The following SH2D4A variants were observed in gnomAD, a reference collection of about 807,000 sequenced individuals.
SH2D4A encodes the protein SH2 domain-containing protein 4A.
Under a neutral mutation model 64.7 loss-of-function variants are expected in SH2D4A, and 70 were observed. That is an observed-to-expected ratio of 1.08 (90% CI 0.89 to 1.32). The LOEUF (loss-of-function observed/expected upper bound fraction) is 1.32, where lower values mean the gene tolerates loss of function less well. Among genes scored for constraint, SH2D4A ranks in the 40% most tolerant of loss-of-function variants. The pLI is 0.00. For missense variants in SH2D4A, 706 were observed against 540.1 expected, an observed-to-expected ratio of 1.31 and a Z score of -3.04; for synonymous variants, 268 against 200.7, an observed-to-expected ratio of 1.34 and a Z score of -2.83.
Position 19,357,259 on chromosome 8 carries a change from T to A in SH2D4A, c.570T>A (p.Arg190=). 6.2e-7 allele frequency: 1 copy of A among 1,613,822 alleles called. No homozygotes were observed. The highest frequency in any genetic ancestry group is 8.5e-7 in the Non-Finnish European group (1 of 1,179,684). The change falls in exon 5 of 10, where the codon CGT becomes CGA. Residue 190 remains arginine, a synonymous_variant. Coordinates refer to ENST00000265807, the MANE Select transcript of SH2D4A (RefSeq NM_022071.4). ...IQQMLADSIN[R]MKAYAFHQKK... ...AAATGTTGGCAGATTCAATCAATCG[T>A]ATGAAGGCATATGCATTTCACCAGG... is the stretch of plus-strand genomic sequence containing the variant.
chr8:19,393,075 A>G (rs1428531956), intron 8 of SH2D4A, among the ~76,000 whole-genome samples: 4 of 152,170 alleles, frequency 2.6e-5, no homozygotes, highest in Non-Finnish European at 5.9e-5. Context: ...TTGACATTTA[A>G]GCTCTCATGT....
intron 8 of SH2D4A, among the ~76,000 whole-genome samples, chr8:19,385,079 G>A (rs1381556287): frequency 2.0e-5 from 3 of 152,138 alleles, no homozygotes; most frequent in African/African-American, 7.2e-5. Context: ...GCTGTCTTTT[G>A]CTGTCATGGC....
intron 7 of SH2D4A, among the ~76,000 whole-genome samples, 173 bp from the exon 8 acceptor site, chr8:19,373,357 T>TA (rs2053136779): frequency 6.6e-6 from 1 of 150,982 alleles, no homozygotes; most frequent in Admixed American, 6.6e-5. Flanking sequence ...TATATATATA[T>TA]ATATGTATAT....
intron 2 of SH2D4A, among the ~76,000 whole-genome samples, chr8:19,327,636 A>C (rs574161124): frequency 6.6e-6 from 1 of 152,138 alleles, no homozygotes; most frequent in Non-Finnish European, 1.5e-5. Flanking sequence ...CACCCCAGGT[A>C]TACTCCCTGC....
At chr8:19,379,698 C>T (rs10102993) in intron 8 of SH2D4A, among the ~76,000 whole-genome samples, 1,859 of 152,224 alleles carry the variant, frequency 0.012, 29 homozygotes, top group African/African-American at 0.043. Context: ...AGAATTTCAG[C>T]TTCTCCACAT....
rs1464452232 is a variant in SH2D4A at position 19,394,861 on chromosome 8, A to C, written c.*219A>C. On this transcript the variant is annotated 3_prime_UTR_variant, in exon 10 of 10. Coordinates refer to ENST00000265807, the MANE Select transcript of SH2D4A (RefSeq NM_022071.4). Reference sequence around the variant, plus strand: ...ATGACCTCTGCTCAAAAGGGAGAAGAGTCTCAATTTCAGCAAGTACCTGTC... The same window carrying C: ...ATGACCTCTGCTCAAAAGGGAGAAGCGTCTCAATTTCAGCAAGTACCTGTC... 1 of 383,372 alleles carries C rather than the reference A, an allele frequency of 2.6e-6. No individual in the cohort carries two copies. The highest frequency in any genetic ancestry group is 4.6e-6 in the Non-Finnish European group (1 of 215,298). The allele number at this position is 383,372 out of a possible 1,614,324, so 23.7% of individuals were successfully genotyped here. A position where few individuals can be genotyped will look rare whatever the true frequency, so the allele number is the denominator to read the frequency against.
chr8:19,332,905 C>G (rs770166115), intron 2 of SH2D4A, 50 bp from the exon 3 acceptor site: 2 of 1,576,516 alleles, frequency 1.3e-6, no homozygotes, highest in Non-Finnish European at 1.7e-6. Context: ...TAATCTGTGA[C>G]TAAAGATATT....
intron 8 of SH2D4A, among the ~76,000 whole-genome samples, chr8:19,386,675 A>T (rs1230293557): frequency 6.6e-6 from 1 of 152,056 alleles, no homozygotes; most frequent in Non-Finnish European, 1.5e-5. Context: ...AAGAAGAGAG[A>T]GTCTGCTTTG....
At chr8:19,392,223 GAC>G (rs1222491116) in intron 8 of SH2D4A, among the ~76,000 whole-genome samples, 1 of 152,162 alleles carries the variant, frequency 6.6e-6, no homozygotes, top group African/African-American at 2.4e-5. Context: ...TGTATATAAA[GAC>G]ACACATATAG....
rs1407033619 is a variant in SH2D4A at position 19,394,553 on chromosome 8, G to A, written c.1276G>A (p.Glu426Lys). 1.9e-6 allele frequency: 3 copies of A among 1,604,004 alleles called. No individual in the cohort carries two copies. The highest frequency in any genetic ancestry group is 2.7e-5 in the African/African-American group (2 of 74,668). Residue 426 changes from glutamate to lysine, a missense_variant, in exon 10 of 10, where the codon GAA (glutamate) becomes AAA (lysine). Transcript: ENST00000265807. ...LADLVEYHKE[E>K]PITSLGKELL... ...CCCCGTGCCTTCTGATTGACAGGAG[G>A]AACCCATCACTTCCCTGGGGAAGGA...
intron 4 of SH2D4A, among the ~76,000 whole-genome samples, chr8:19,341,109 G>C (rs192752879): frequency 6.6e-6 from 1 of 152,096 alleles, no homozygotes; most frequent in African/African-American, 2.4e-5. Flanking sequence ...CACTCTCATC[G>C]TAACTATGAC....
chr8:19,324,982 C>T (rs1197623592), intron 2 of SH2D4A, among the ~76,000 whole-genome samples: 1 of 152,160 alleles, frequency 6.6e-6, no homozygotes, highest in East Asian at 1.9e-4. Flanking sequence ...CCAGACCTCT[C>T]ACCCGAGTGT....
At position 19,364,269 on chromosome 8, in the gene SH2D4A, C is replaced by CA. The variant is rs1471400488; in HGVS notation, c.909dup (p.Pro304ThrfsTer3). 1.2e-6 allele frequency: 2 copies of CA among 1,613,964 alleles called. No individual in the cohort carries two copies. Among genetic ancestry groups the CA allele is most frequent in the Non-Finnish European group, 1.7e-6 (2 of 1,179,978 alleles). On this transcript the variant is annotated frameshift_variant, in exon 7 of 10. Coordinates refer to ENST00000265807, the MANE Select transcript of SH2D4A (RefSeq NM_022071.4). LOFTEE classifies it high-confidence loss of function. ...GTTCCTAAACTCAGGGGCATATCCT[C>CA]AAAAACCTCTTAGGTAAGAAGCCAC...
At chr8:19,377,726 CCTA>C (rs2053219401) in intron 8 of SH2D4A, among the ~76,000 whole-genome samples, 1 of 152,046 alleles carries the variant, frequency 6.6e-6, no homozygotes, top group South Asian at 2.1e-4. Context: ...ATTCATCTCT[CCTA>C]CATTTGCTAT....
intron 8 of SH2D4A, among the ~76,000 whole-genome samples, chr8:19,378,205 A>G (rs2153650729): frequency 6.6e-6 from 1 of 152,298 alleles, no homozygotes. Context: ...GGTTACATAT[A>G]TATTCTCCTA....
rs1443692024 is a variant in SH2D4A at position 19,319,657 on chromosome 8, G to T, written c.110G>T (p.Arg37Leu). 3 of 1,611,142 alleles carry T rather than the reference G, an allele frequency of 1.9e-6. No individual in the cohort carries two copies. The highest frequency in any genetic ancestry group is 2.2e-5 in the South Asian group (2 of 90,274). The change falls in exon 2 of 10, where the codon CGA (arginine) becomes CTA (leucine). Residue 37 changes from arginine (R) to leucine (L), a missense_variant. Arg to Leu is a moderately radical substitution (Grantham distance 102). Transcript: ENST00000265807. ...LFFKMREEQI[R>L]RWKEREAAME... ...TTCAAGATGAGAGAGGAACAGATCC[G>T]ACGATGGAAAGAAAGAGAAGCAGCT...
chr8:19,326,030 C>T (rs2052273791), intron 2 of SH2D4A, among the ~76,000 whole-genome samples: 1 of 152,224 alleles, frequency 6.6e-6, no homozygotes, highest in Non-Finnish European at 1.5e-5. Context: ...CCCAGCGTCC[C>T]TTTTCAATTG....
chr8:19,379,299 T>G (rs1228935029), intron 8 of SH2D4A, among the ~76,000 whole-genome samples: 1 of 152,152 alleles, frequency 6.6e-6, no homozygotes, highest in Admixed American at 6.5e-5. Context: ...CTTATTTCAT[T>G]TAGTGTCATG....
In SH2D4A at chr8:19,365,899, T is replaced by C. The variant is rs147377619; in HGVS notation, c.917+1617T>C. On this transcript the variant is annotated intron_variant, in intron 7 of 9. Transcript: ENST00000265807. ...TGGAAGCTAGTAAGAGAATGTATAATATAACTTCGTATGTGTGCAGTGTCT... is the reference window on the plus strand; with the variant it reads ...TGGAAGCTAGTAAGAGAATGTATAACATAACTTCGTATGTGTGCAGTGTCT... Among the ~76,000 whole-genome samples, 51 of 152,128 alleles carry C rather than the reference T, an allele frequency of 3.4e-4. 1 individual carries two copies. The highest frequency in any genetic ancestry group is 1.7e-3 in the South Asian group (8 of 4,830).
Sources: gnomAD v4.1 joint callset for allele counts (sites outside exome capture counted in the v4.1 genomes callset) on GRCh38, gnomAD v4.1.1 for gene constraint, MANE v1.5 for transcripts, NCBI Gene and HGNC (gene_info 2026-07-23, HGNC 2026-07-21) for gene names.